Variants in MAST4 observed in about 807,000 individuals in gnomAD.
The protein encoded by MAST4 is microtubule-associated serine/threonine-protein kinase 4.
In MAST4, 89 loss-of-function variants were observed where a neutral mutation model predicts 162.7. That is an observed-to-expected ratio of 0.55 (90% CI 0.46 to 0.65). The LOEUF (loss-of-function observed/expected upper bound fraction) is 0.65, where lower values mean the gene tolerates loss of function less well. Among genes scored for constraint, MAST4 ranks in the 30% least tolerant of loss-of-function variants. The pLI is 0.00. For synonymous variants in MAST4, 1,479 were observed against 1,361.1 expected (o/e 1.09, Z -1.91); for missense variants, 3,153 against 3,374.0 (o/e 0.93, Z 1.62).
At chr5:66,801,054 G>C (rs558293712) in intron 3 of MAST4, among the ~76,000 whole-genome samples, 2 of 152,270 alleles carry the variant, frequency 1.3e-5, no homozygotes, top group Non-Finnish European at 2.9e-5. Flanking sequence ...GTGTAACAAA[G>C]TTAGAAGATG....
intron 1 of MAST4, among the ~76,000 whole-genome samples, chr5:66,712,592 T>G (rs761330990): frequency 4.6e-5 from 7 of 152,226 alleles, no homozygotes; most frequent in Non-Finnish European, 7.3e-5. Context: ...TATATTTGTT[T>G]GCTTTATGTC....
chr5:66,928,928 G>A (rs1050662265), intron 4 of MAST4, among the ~76,000 whole-genome samples: 5 of 152,292 alleles, frequency 3.3e-5, no homozygotes, highest in African/African-American at 1.2e-4. Context: ...ATTAAAACTG[G>A]CTGGGTGACT....
chr5:66,710,957 A>ATAT (rs1049790375), intron 1 of MAST4, among the ~76,000 whole-genome samples: 1 of 152,254 alleles, frequency 6.6e-6, no homozygotes, highest in Admixed American at 6.5e-5. Context: ...ACCAGCACCC[A>ATAT]TATTAAGAAA....
chr5:67,153,630 A>G lies in MAST4; in HGVS notation c.3648+50A>G, dbSNP rs1481879674. 2.6e-6 allele frequency: 4 copies of G among 1,519,676 alleles called. No homozygotes were observed. The Admixed American group carries it at 8.3e-5, about 32-fold the overall frequency. The allele number at this position is 1,519,676 out of a possible 1,614,324, so 94.1% of individuals were successfully genotyped here. A position where few individuals can be genotyped will look rare whatever the true frequency, so the allele number is the denominator to read the frequency against. On this transcript the variant is annotated intron_variant, in intron 26 of 28. Coordinates refer to ENST00000403625, the MANE Select transcript of MAST4 (RefSeq NM_001164664.2). ...CATGCTGATGAGACAGGCAGCCCAA[A>G]GGGGCTAGTACCAGGAGATTGATTT...
intron 4 of MAST4, among the ~76,000 whole-genome samples, chr5:66,956,821 C>G (rs114772273): frequency 0.014 from 2,111 of 152,214 alleles, 44 homozygotes; most frequent in African/African-American, 0.048. Flanking sequence ...AGAGATCACT[C>G]TGGAGTTTAT....
chr5:67,079,093 A>C (rs1437212619), intron 5 of MAST4, among the ~76,000 whole-genome samples: 1 of 150,106 alleles, frequency 6.7e-6, no homozygotes, highest in Admixed American at 6.7e-5. Flanking sequence ...AGAAGGACCA[A>C]AGTGAAAAGT....
intron 3 of MAST4, among the ~76,000 whole-genome samples, chr5:66,821,095 T>G (rs990842453): frequency 2.0e-5 from 3 of 152,230 alleles, no homozygotes; most frequent in Admixed American, 2.0e-4. Context: ...CCACCTGCAA[T>G]TTTTGCTAAA....
intron 3 of MAST4, among the ~76,000 whole-genome samples, chr5:66,829,606 G>A (rs972312261): frequency 4.6e-5 from 7 of 151,976 alleles, no homozygotes; most frequent in Non-Finnish European, 1.0e-4. Context: ...CATTAGTATG[G>A]TTAACTCCTG....
chr5:66,971,929 G>A (rs1747484274), intron 4 of MAST4, among the ~76,000 whole-genome samples: 1 of 152,028 alleles, frequency 6.6e-6, no homozygotes, highest in Admixed American at 6.5e-5. Flanking sequence ...GTGATTTCTT[G>A]GAGAGCATAA....
At chr5:67,048,987 G>GTA (rs34164320) in intron 4 of MAST4, among the ~76,000 whole-genome samples, 31,518 of 101,054 alleles carry the variant, frequency 0.31, 4,947 homozygotes, top group African/African-American at 0.43. Context: ...ATATATATAT[G>GTA]TATATATATA....
intron 1 of MAST4, among the ~76,000 whole-genome samples, chr5:66,629,573 GTT>G (rs1744666677): frequency 6.6e-6 from 1 of 152,176 alleles, no homozygotes; most frequent in South Asian, 2.1e-4. Context: ...GCTTCAGTGT[GTT>G]TTACCACATT....
At chr5:66,758,962 G>A (rs1385847228) in intron 1 of MAST4, among the ~76,000 whole-genome samples, 2 of 152,282 alleles carry the variant, frequency 1.3e-5, no homozygotes, top group East Asian at 3.9e-4. Context: ...ATTTTAGATG[G>A]TATGGCTCTA....
chr5:66,761,347 C>T (rs779667533), intron 2 of MAST4, among the ~76,000 whole-genome samples: 2 of 152,152 alleles, frequency 1.3e-5, no homozygotes, highest in African/African-American at 2.4e-5. Flanking sequence ...TAAAGCCTAG[C>T]TTTTAAAAGG....
At chr5:66,742,510 G>A (rs764754068) in intron 1 of MAST4, among the ~76,000 whole-genome samples, 25 of 152,122 alleles carry the variant, frequency 1.6e-4, no homozygotes, top group African/African-American at 6.0e-4. Flanking sequence ...GCTCCTGAGC[G>A]CTCCTCCAGC....
chr5:67,013,286 A>G (rs987633060), intron 4 of MAST4, among the ~76,000 whole-genome samples: 1 of 152,212 alleles, frequency 6.6e-6, no homozygotes, highest in Non-Finnish European at 1.5e-5. Context: ...CTAACCTGAC[A>G]TGGAAGTTCA....
rs183734652 is a variant in MAST4 at position 66,847,857 on chromosome 5, A to G, written c.643-52094A>G. On this transcript the variant is annotated intron_variant, in intron 3 of 28. Coordinates refer to ENST00000403625, the MANE Select transcript of MAST4 (RefSeq NM_001164664.2). Reference sequence around the variant, plus strand: ...AAAAAAAAAAAAGAAAAACCTTAACAGTAGCTCAAAGCTACACTGGGTGTA... The same window carrying G: ...AAAAAAAAAAAAGAAAAACCTTAACGGTAGCTCAAAGCTACACTGGGTGTA... 4.1e-4 allele frequency among the ~76,000 whole-genome samples: 60 copies of G among 146,362 alleles called. 1 individual carries two copies. The East Asian group carries it at 0.012, about 30-fold the overall frequency.
chr5:67,153,696 A>G (rs1054777302), intron 26 of MAST4, 116 bp downstream of exon 26: 24 of 1,001,052 alleles, frequency 2.4e-5, no homozygotes, highest in Non-Finnish European at 3.0e-5. Context: ...GAAAGTATTC[A>G]TTAGTCTCAA....
chr5:66,673,308 G>A (rs934545059), intron 1 of MAST4, among the ~76,000 whole-genome samples: 24 of 151,942 alleles, frequency 1.6e-4, no homozygotes, highest in African/African-American at 5.8e-4. Flanking sequence ...TGTTATTATA[G>A]TCATCAGTTT....
At chr5:67,102,690 A>G in intron 9 of MAST4, 79 bp downstream of exon 9, 1 of 1,155,432 alleles carries the variant, frequency 8.7e-7, no homozygotes. Flanking sequence ...TTGTTTTGTT[A>G]TAGGAAGTAA....
Sources: gnomAD v4.1 joint callset for allele counts (sites outside exome capture counted in the v4.1 genomes callset) on GRCh38, gnomAD v4.1.1 for gene constraint, MANE v1.5 for transcripts, NCBI Gene and HGNC (gene_info 2026-07-23, HGNC 2026-07-21) for gene names.